Variants in PCDHA5 observed in about 807,000 individuals in gnomAD.
PCDHA5 encodes protocadherin alpha 5, also known as protocadherin alpha-5.
Under a neutral mutation model 61.6 loss-of-function variants are expected in PCDHA5, and 43 were observed. The observed-to-expected ratio is 0.70, with a 90% CI of 0.55 to 0.90. PCDHA5 has a LOEUF of 0.90. Ranked by LOEUF, PCDHA5 falls within the 40% of genes least tolerant of loss-of-function variation. PCDHA5 has a pLI of 0.00. For missense variants in PCDHA5, 1,298 were observed against 1,222.7 expected, an observed-to-expected ratio of 1.06 and a Z score of -0.92; for synonymous variants, 627 against 543.9, an observed-to-expected ratio of 1.15 and a Z score of -2.13.
intron 2 of PCDHA5, among the ~76,000 whole-genome samples, chr5:140,979,714 T>G (rs1428916313): frequency 4.6e-5 from 7 of 152,270 alleles, no homozygotes; most frequent in African/African-American, 1.7e-4. Context: ...TGATCCAGTA[T>G]CCATGCCATG....
chr5:140,883,555 C>T, intron 1 of PCDHA5: 3 of 1,614,168 alleles, frequency 1.9e-6, no homozygotes, highest in Non-Finnish European at 2.5e-6. Context: ...CCGCGCGGGA[C>T]GGGGGCTCGC....
At chr5:140,969,064 C>T (rs2096292525) in intron 1 of PCDHA5, 1 of 1,614,136 alleles carries the variant, frequency 6.2e-7, no homozygotes, top group Non-Finnish European at 8.5e-7. Context: ...ATATTGATGC[C>T]AGGATACCGC....
In PCDHA5 at chr5:140,898,801, A is replaced by T. The variant is rs1275933236; in HGVS notation, c.2352+74674A>T. The stretch of plus-strand genomic sequence containing the variant: ...TGGGCAGTATGGCCATTTTCACGAT[A>T]CTGATTCTTCCTACCCATGAGCATG... On this transcript the variant is annotated intron_variant, in intron 1 of 3. Coordinates refer to ENST00000529859, the MANE Select transcript of PCDHA5 (RefSeq NM_018908.3). Among the ~76,000 whole-genome samples the T allele has an allele frequency of 1.3e-5, 2 of 152,200 alleles. 1 individual carries two copies. The highest frequency in any genetic ancestry group is 3.8e-4 in the East Asian group (2 of 5,198).
chr5:140,861,729 C>T (rs947423551), intron 1 of PCDHA5: 5 of 192,220 alleles, frequency 2.6e-5, no homozygotes, highest in Non-Finnish European at 5.3e-5. Context: ...GCTCTGATGA[C>T]TTACATACTG....
At chr5:140,854,696 T>C (rs190246288) in intron 1 of PCDHA5, 1 of 150,200 alleles carries the variant, frequency 6.7e-6, no homozygotes, top group East Asian at 1.9e-4. Flanking sequence ...TTGTTAAGTT[T>C]TCCTTTCTTG....
chr5:140,936,780 T>C (rs2091148034), intron 1 of PCDHA5, among the ~76,000 whole-genome samples: 1 of 152,224 alleles, frequency 6.6e-6, no homozygotes, highest in Non-Finnish European at 1.5e-5. Flanking sequence ...TCTCTCACTT[T>C]GTTATTCTGC....
chr5:140,917,449 C>G (rs1290889939), intron 1 of PCDHA5, among the ~76,000 whole-genome samples: 1 of 152,006 alleles, frequency 6.6e-6, no homozygotes, highest in Admixed American at 6.6e-5. Context: ...GCTGCAAGAG[C>G]GTTTGGCATC....
intron 1 of PCDHA5, among the ~76,000 whole-genome samples, chr5:140,826,731 T>C (rs1236287706): frequency 6.6e-6 from 1 of 152,180 alleles, no homozygotes; most frequent in Non-Finnish European, 1.5e-5. Flanking sequence ...GAGCAAGTGG[T>C]CTATATTGTC....
intron 1 of PCDHA5, chr5:140,869,664 G>A (rs1554163333): frequency 5.0e-6 from 8 of 1,613,474 alleles, no homozygotes; most frequent in Non-Finnish European, 6.8e-6. Flanking sequence ...CAAATGGTAA[G>A]CAGATTAAAA....
chr5:140,864,489 A>C (rs1194272327), intron 1 of PCDHA5: 1 of 152,184 alleles, frequency 6.6e-6, no homozygotes, highest in Admixed American at 6.5e-5. Flanking sequence ...CAGTGGGTGG[A>C]ATTTTAGCCT....
At chr5:140,869,752 G>A (rs1398153775) in intron 1 of PCDHA5, 17 of 1,613,136 alleles carry the variant, frequency 1.1e-5, no homozygotes, top group African/African-American at 1.3e-5. Context: ...AGCTACAGAC[G>A]GGGGAAAACC....
chr5:140,889,968 T>A (rs1373057542), intron 1 of PCDHA5, among the ~76,000 whole-genome samples: 2 of 152,170 alleles, frequency 1.3e-5, no homozygotes, highest in Non-Finnish European at 2.9e-5. Context: ...AAAATTACTA[T>A]CCAGTCTCCA....
At chr5:140,835,889 C>T (rs1774023862) in intron 1 of PCDHA5, 2 of 1,611,938 alleles carry the variant, frequency 1.2e-6, no homozygotes, top group East Asian at 2.2e-5. Context: ...TGGGCGAGCG[C>T]GCGCTGTCGA....
At chr5:140,955,130 T>A (rs1173088504) in intron 1 of PCDHA5, among the ~76,000 whole-genome samples, 1 of 152,228 alleles carries the variant, frequency 6.6e-6, no homozygotes, top group African/African-American at 2.4e-5. Context: ...TCCACTGGTC[T>A]ACACGTCTGT....
In PCDHA5 at chr5:140,848,506, C is replaced by G. The variant is rs1229499943; in HGVS notation, c.2352+24379C>G. 13 of 1,588,314 alleles carry G rather than the reference C, an allele frequency of 8.2e-6. 2 individuals carry two copies. The highest frequency in any genetic ancestry group is 1.3e-5 in the African/African-American group (1 of 74,152). On this transcript the variant is annotated intron_variant, in intron 1 of 3. Transcript: ENST00000529859. ...GACTGAGTATTTGAAATGTTATACT[C>G]AAGTCGAGGAGATCCAGAGGGTCAG...
chr5:140,929,118 A>T, intron 1 of PCDHA5: 2 of 1,614,150 alleles, frequency 1.2e-6, no homozygotes, highest in Non-Finnish European at 1.7e-6. Context: ...CAGCCACCAT[A>T]GATGTCACTA....
chr5:140,849,243 A>G, intron 1 of PCDHA5: 1 of 1,073,288 alleles, frequency 9.3e-7, no homozygotes, highest in Non-Finnish European at 1.3e-6. Context: ...GTATACGGTG[A>G]AATTACCAGA....
chr5:140,852,444 A>G (rs1327164540), intron 1 of PCDHA5: 1 of 183,986 alleles, frequency 5.4e-6, no homozygotes, highest in Non-Finnish European at 1.1e-5. Context: ...CGCCCAGCTA[A>G]TTTTTGTATT....
intron 1 of PCDHA5, chr5:140,836,557 C>T (rs2150263942): frequency 1.2e-6 from 2 of 1,613,660 alleles, no homozygotes; most frequent in Non-Finnish European, 1.7e-6. Context: ...CGGTGCTCAG[C>T]GCCGTCCTCT....
Sources: allele counts gnomAD v4.1 joint callset (sites outside exome capture counted in the v4.1 genomes callset), GRCh38; gene constraint gnomAD v4.1.1; transcripts MANE v1.5; gene names NCBI Gene and HGNC (gene_info 2026-07-23, HGNC 2026-07-21).